The following DEFB135 variants were observed in gnomAD, a reference collection of about 807,000 sequenced individuals.
DEFB135 encodes the protein beta-defensin 135.
In DEFB135, 14 loss-of-function variants were observed where a neutral mutation model predicts 8.9. The ratio of observed to expected loss-of-function variants is 1.58; its 90% CI spans 1.04 to 2.47. DEFB135 has a LOEUF of 2.47. Ranked by LOEUF, DEFB135 falls within the 30% of genes most tolerant of loss-of-function variation. The pLI is 0.00. For missense variants in DEFB135, 135 were observed against 94.2 expected (o/e 1.43, Z -1.79); for synonymous variants, 51 against 34.5 (o/e 1.48, Z -1.67).
chr8:11,983,498 T>C (rs1471296912), intron 1 of DEFB135, among the ~76,000 whole-genome samples: 1 of 152,170 alleles, frequency 6.6e-6, no homozygotes, highest in Non-Finnish European at 1.5e-5. Context: ...CACTTTGCAG[T>C]GTGTCTCTAC....
At position 11,982,298 on chromosome 8, in the gene DEFB135, C is replaced by T; in HGVS notation, c.-23C>T. 2 of 1,614,032 alleles carry T rather than the reference C, an allele frequency of 1.2e-6. No individual in the cohort carries two copies. The highest frequency in any genetic ancestry group is 1.7e-6 in the Non-Finnish European group (2 of 1,180,002). On this transcript the variant is annotated 5_prime_UTR_variant, in exon 1 of 2. Coordinates refer to ENST00000382208, the MANE Select transcript of DEFB135 (RefSeq NM_001033017.3). ...GAGAGAGTGACTCTCCGATGAGTCA[C>T]AGCTGCTTCTTTGCTGATTGGTATG...
intron 1 of DEFB135, among the ~76,000 whole-genome samples, chr8:11,982,727 G>T (rs867016640): frequency 1.3e-5 from 2 of 152,214 alleles, no homozygotes; most frequent in African/African-American, 4.8e-5. Flanking sequence ...ATGAGAAGGA[G>T]ACTGTTCTTT....
chr8:11,982,377 TC>T lies in DEFB135; in HGVS notation c.59del (p.Pro20HisfsTer30), dbSNP rs1799750871. On this transcript the variant is annotated frameshift_variant, in exon 1 of 2. Coordinates refer to ENST00000382208, the MANE Select transcript of DEFB135 (RefSeq NM_001033017.3). LOFTEE classifies it high-confidence loss of function. ...TGGTCCTTAACTTACTCTTCTATGT[TC>T]CACCAGGTAAAATGGAGTCCCCACC... is the stretch of plus-strand genomic sequence containing the variant. ...LVVLNLLFYV[P>X]PGRSGPNVYI... is the part of the protein sequence containing the mutation. 2 of 1,614,000 alleles carry T rather than the reference TC, an allele frequency of 1.2e-6. No individual in the cohort carries two copies. The highest frequency in any genetic ancestry group is 2.7e-5 in the African/African-American group (2 of 74,896).
chr8:11,984,471 C>A lies in DEFB135; in HGVS notation c.115C>A (p.Arg39=). The change falls in exon 2 of 2, where the codon CGA becomes AGA. Residue 39 remains arginine, a synonymous_variant. Coordinates refer to ENST00000382208, the MANE Select transcript of DEFB135 (RefSeq NM_001033017.3). ...YIQKIFASCW[R]LQGTCRPKCL... Reference sequence around the variant, plus strand: ...ACAAAAAATCTTTGCTTCATGTTGGCGACTGCAAGGTACTTGCCGGCCAAA... The same window carrying A: ...ACAAAAAATCTTTGCTTCATGTTGGAGACTGCAAGGTACTTGCCGGCCAAA... The A allele has an allele frequency of 6.4e-7, 1 of 1,568,996 alleles. No homozygotes were observed. The highest frequency in any genetic ancestry group is 8.7e-7 in the Non-Finnish European group (1 of 1,148,402).
Position 11,982,326 on chromosome 8 carries a change from C to T in DEFB135, c.6C>T (p.Ala2=). Residue 2 remains alanine (A), a synonymous_variant, in exon 1 of 2, where the codon GCC becomes GCT. Coordinates refer to ENST00000382208, the MANE Select transcript of DEFB135 (RefSeq NM_001033017.3). M[A]TRSVLLALVV... ...CTGCTTCTTTGCTGATTGGTATGGC[C>T]ACAAGGAGCGTCCTCTTGGCCCTCG... The T allele has an allele frequency of 6.2e-7, 1 of 1,614,142 alleles. No homozygotes were observed. The highest frequency in any genetic ancestry group is 8.5e-7 in the Non-Finnish European group (1 of 1,180,026).
At position 11,982,507 on chromosome 8, in the gene DEFB135, G is replaced by A. The variant is rs1363683730; in HGVS notation, c.64+123G>A. The A allele has an allele frequency of 4.9e-6, 5 of 1,026,284 alleles. No homozygotes were observed. In the African/African-American group the frequency reaches 6.3e-5, roughly 13 times the overall value. 63.6% of individuals were successfully genotyped at this position (1,026,284 alleles called of 1,614,324 possible). On this transcript the variant is annotated intron_variant, in intron 1 of 1. Coordinates refer to ENST00000382208, the MANE Select transcript of DEFB135 (RefSeq NM_001033017.3). ...GAAGCTGCAACAGGGAGGAAAGTGA[G>A]CAGAGATGGACATGCTGGGCTGGTC...
chr8:11,983,854 T>C (rs559947876), intron 1 of DEFB135, among the ~76,000 whole-genome samples: 11 of 152,116 alleles, frequency 7.2e-5, no homozygotes, highest in Admixed American at 3.9e-4. Context: ...CATTTCACAC[T>C]CATTCTCCCA....
In DEFB135 at chr8:11,982,314, G is replaced by C. The variant is rs756772657; in HGVS notation, c.-7G>C. On this transcript the variant is annotated 5_prime_UTR_variant, in exon 1 of 2. Coordinates refer to ENST00000382208, the MANE Select transcript of DEFB135 (RefSeq NM_001033017.3). ...GATGAGTCACAGCTGCTTCTTTGCT[G>C]ATTGGTATGGCCACAAGGAGCGTCC... The C allele has an allele frequency of 1.2e-6, 2 of 1,614,130 alleles. No homozygotes were observed. Among genetic ancestry groups the C allele is most frequent in the South Asian group, 2.2e-5 (2 of 91,068 alleles).
chr8:11,984,308 G>A (rs1042181496), intron 1 of DEFB135, 113 bp from the exon 2 acceptor site: 58 of 803,190 alleles, frequency 7.2e-5, no homozygotes, highest in Non-Finnish European at 9.4e-5. Context: ...ATCTTTGATC[G>A]CGTCTAATTC....
intron 1 of DEFB135, among the ~76,000 whole-genome samples, chr8:11,982,601 A>C (rs984248464): frequency 6.6e-6 from 1 of 152,164 alleles, no homozygotes; most frequent in African/African-American, 2.4e-5. Flanking sequence ...GAAACTGGTT[A>C]TGGATTTTGG....
At chr8:11,983,556 G>T (rs1450662565) in intron 1 of DEFB135, among the ~76,000 whole-genome samples, 1 of 152,102 alleles carries the variant, frequency 6.6e-6, no homozygotes, top group Non-Finnish European at 1.5e-5. Flanking sequence ...GGGAGCACAT[G>T]GTGGGCAAGT....
rs778804110 is a variant in DEFB135, at chr8:11,984,472, G to C, written c.116G>C (p.Arg39Pro). 2 of 1,571,532 alleles carry C rather than the reference G, an allele frequency of 1.3e-6. No individual in the cohort carries two copies. The highest frequency in any genetic ancestry group is 4.6e-5 in the East Asian group (2 of 43,876). ...YIQKIFASCW[R>P]LQGTCRPKCL... is the part of the protein sequence containing the mutation. ...CAAAAAATCTTTGCTTCATGTTGGCGACTGCAAGGTACTTGCCGGCCAAAA... is the reference window on the plus strand; with the variant it reads ...CAAAAAATCTTTGCTTCATGTTGGCCACTGCAAGGTACTTGCCGGCCAAAA... Residue 39 changes from arginine (R) to proline (P), a missense_variant, in exon 2 of 2, where the codon CGA becomes CCA. Physicochemically the swap from Arg to Pro is moderately radical, Grantham distance 103. Coordinates refer to ENST00000382208, the MANE Select transcript of DEFB135 (RefSeq NM_001033017.3).
chr8:11,982,419 T>C, intron 1 of DEFB135, 35 bp downstream of exon 1: 1 of 1,611,084 alleles, frequency 6.2e-7, no homozygotes, highest in South Asian at 1.1e-5. Flanking sequence ...GAATTAGGAA[T>C]AGTAAAGGGA....
chr8:11,983,094 T>C (rs1300173510), intron 1 of DEFB135, among the ~76,000 whole-genome samples: 1 of 152,152 alleles, frequency 6.6e-6, no homozygotes, highest in African/African-American at 2.4e-5. Context: ...GTGTGAAGTG[T>C]TTAAAAGACA....
At position 11,984,510 on chromosome 8, in the gene DEFB135, G is replaced by T. The variant is rs73663074; in HGVS notation, c.154G>T (p.Glu52Ter). 2.5e-6 allele frequency: 4 copies of T among 1,588,060 alleles called. No homozygotes were observed. Among genetic ancestry groups the T allele is most frequent in the South Asian group, 1.1e-5 (1 of 88,958 alleles). Residue 52 changes from glutamate to a stop codon, truncating the protein, a stop_gained, in exon 2 of 2, where the codon GAA becomes TAA. Coordinates refer to ENST00000382208, the MANE Select transcript of DEFB135 (RefSeq NM_001033017.3). LOFTEE classifies it high-confidence loss of function. ...TTGCCGGCCAAAATGTCTAAAAAACGAACAATATCGTATTTTGTGTGATAC... is the reference window on the plus strand; with the variant it reads ...TTGCCGGCCAAAATGTCTAAAAAACTAACAATATCGTATTTTGTGTGATAC... ...GTCRPKCLKN[E>*]QYRILCDTIH...
At chr8:11,984,158 C>T (rs975170651) in intron 1 of DEFB135, among the ~76,000 whole-genome samples, 3 of 152,186 alleles carry the variant, frequency 2.0e-5, no homozygotes, top group Admixed American at 6.5e-5. Flanking sequence ...GCTGAATATG[C>T]TGGGTCCTGT....
At chr8:11,983,342 A>T (rs561386734) in intron 1 of DEFB135, among the ~76,000 whole-genome samples, 12 of 152,318 alleles carry the variant, frequency 7.9e-5, no homozygotes, top group African/African-American at 2.6e-4. Flanking sequence ...GTGAGCTGAG[A>T]TGGTGCCATT....
chr8:11,984,191 A>T (rs2150552516), intron 1 of DEFB135, among the ~76,000 whole-genome samples: 1 of 152,312 alleles, frequency 6.6e-6, no homozygotes, highest in Non-Finnish European at 1.5e-5. Context: ...GTTGATCAGT[A>T]ATTCATGTAA....
chr8:11,982,276 A>C lies in DEFB135; in HGVS notation c.-45A>C. On this transcript the variant is annotated 5_prime_UTR_variant, in exon 1 of 2. Transcript: ENST00000382208. ...TCCCCGTCTCTTCAAAGCTGCGGAG[A>C]GAGTGACTCTCCGATGAGTCACAGC... 2 of 1,609,768 alleles carry C rather than the reference A, an allele frequency of 1.2e-6. No individual in the cohort carries two copies. The highest frequency in any genetic ancestry group is 1.7e-6 in the Non-Finnish European group (2 of 1,176,752).
Sources: allele counts gnomAD v4.1 joint callset (sites outside exome capture counted in the v4.1 genomes callset), GRCh38; gene constraint gnomAD v4.1.1; transcripts MANE v1.5; gene names NCBI Gene and HGNC (gene_info 2026-07-23, HGNC 2026-07-21).